The following KIAA1549L variants were observed in gnomAD, a reference collection of about 807,000 sequenced individuals.
KIAA1549L encodes the protein KIAA1549 like.
In KIAA1549L, 88 loss-of-function variants were observed where a neutral mutation model predicts 160.7. The ratio of observed to expected loss-of-function variants is 0.55; its 90% CI spans 0.46 to 0.65. The LOEUF (loss-of-function observed/expected upper bound fraction) is 0.65. KIAA1549L is among the 30% of genes least tolerant of loss of function. The pLI is 0.00. For synonymous variants in KIAA1549L, 950 were observed against 976.7 expected (o/e 0.97, Z 0.51); for missense variants, 2,258 against 2,437.5 (o/e 0.93, Z 1.55).
intron 20 of KIAA1549L, among the ~76,000 whole-genome samples, chr11:33,661,224 C>T (rs1191370242): frequency 6.6e-6 from 1 of 152,198 alleles, no homozygotes; most frequent in Non-Finnish European, 1.5e-5. Context: ...CCTTCTAGTC[C>T]AGCTCCCACC....
intron 4 of KIAA1549L, 53 bp from the exon 5 acceptor site, chr11:33,550,987 T>G: frequency 6.8e-7 from 1 of 1,464,072 alleles, no homozygotes; most frequent in Non-Finnish European, 9.6e-7. Flanking sequence ...CAGGAAGAAC[T>G]TAAAGTGCTG....
chr11:33,645,502 T>C (rs1276691795), intron 16 of KIAA1549L, among the ~76,000 whole-genome samples, 184 bp from the exon 17 acceptor site: 1 of 152,156 alleles, frequency 6.6e-6, no homozygotes, highest in African/African-American at 2.4e-5. Context: ...AGTGTGGCCT[T>C]CCTGATAGAG....
intron 1 of KIAA1549L, among the ~76,000 whole-genome samples, chr11:33,524,788 A>C (rs555304229): frequency 3.9e-5 from 6 of 152,190 alleles, no homozygotes; most frequent in African/African-American, 1.4e-4. Context: ...CTTAATGGGA[A>C]AGTGCTCATT....
intron 1 of KIAA1549L, among the ~76,000 whole-genome samples, chr11:33,491,170 T>C (rs1852649435): frequency 6.6e-6 from 1 of 152,204 alleles, no homozygotes; most frequent in Non-Finnish European, 1.5e-5. Flanking sequence ...TTTAAACAGA[T>C]GACTAATGAC....
chr11:33,487,671 G>A (rs1852561730), intron 1 of KIAA1549L, among the ~76,000 whole-genome samples: 1 of 152,100 alleles, frequency 6.6e-6, no homozygotes, highest in Non-Finnish European at 1.5e-5. Context: ...CCCATCCTCA[G>A]AGATTCTGAT....
chr11:33,532,105 T>C (rs1853787238), intron 1 of KIAA1549L, among the ~76,000 whole-genome samples: 1 of 152,178 alleles, frequency 6.6e-6, no homozygotes, highest in African/African-American at 2.4e-5. Context: ...GGCTGCAGAA[T>C]AACTCTTGGT....
intron 1 of KIAA1549L, among the ~76,000 whole-genome samples, chr11:33,426,923 T>G (rs1452854272): frequency 6.6e-6 from 1 of 152,040 alleles, no homozygotes; most frequent in Non-Finnish European, 1.5e-5. Context: ...CCCCCTATTA[T>G]CTGTTTAAGC....
chr11:33,618,107 T>A (rs915728950), intron 15 of KIAA1549L, among the ~76,000 whole-genome samples: 8 of 152,218 alleles, frequency 5.3e-5, no homozygotes, highest in Non-Finnish European at 1.2e-4. Flanking sequence ...TATTAACACA[T>A]CATAGAATCC....
In KIAA1549L at chr11:33,396,787, G is replaced by A. The variant is rs545170016; in HGVS notation, c.238+19898G>A. Among the ~76,000 whole-genome samples, 6 of 151,608 alleles carry A rather than the reference G, an allele frequency of 4.0e-5. 1 individual carries two copies. Among genetic ancestry groups the A allele is most frequent in the African/African-American group, 1.5e-4 (6 of 41,340 alleles). ...GCCAACATGATGAAACTGTCTCTAC[G>A]GAAAATAGAAAAATTAGCAAAGCAT... On this transcript the variant is annotated intron_variant, in intron 1 of 20. Transcript: ENST00000658780.
At chr11:33,618,703 C>G (rs1198188550) in intron 16 of KIAA1549L, 41 bp downstream of exon 16, 2 of 1,500,770 alleles carry the variant, frequency 1.3e-6, no homozygotes, top group African/African-American at 1.4e-5. Flanking sequence ...GCTTTCCTTT[C>G]CCCTGAAGGC....
At chr11:33,424,535 A>G (rs1851080504) in intron 1 of KIAA1549L, among the ~76,000 whole-genome samples, 1 of 152,204 alleles carries the variant, frequency 6.6e-6, no homozygotes, top group African/African-American at 2.4e-5. Flanking sequence ...ACATGGTTAA[A>G]TTCCTAGGAC....
Position 33,542,242 on chromosome 11 carries a change from A to C in KIAA1549L, c.679A>C (p.Thr227Pro). 5 of 650,870 alleles carry C rather than the reference A, an allele frequency of 7.7e-6. No homozygotes were observed. The highest frequency in any genetic ancestry group is 4.2e-5 in the Admixed American group (2 of 47,362). The allele number at this position is 650,870 out of a possible 1,614,324, so 40.3% of individuals were successfully genotyped here. ...CCCATCCCAGCCAGTATGGGCAGGG[A>C]CTTCCTCCATTTCAAAGCATCCCCC... ...VPPSQPVWAG[T>P]SSISKHPPRS... Residue 227 changes from threonine to proline, a missense_variant, in exon 2 of 21, where the codon ACT (threonine) becomes CCT (proline). By Grantham distance (38) the Thr-to-Pro change is conservative. Transcript: ENST00000658780.
chr11:33,422,428 G>A (rs1565129959), intron 1 of KIAA1549L, among the ~76,000 whole-genome samples: 2 of 151,908 alleles, frequency 1.3e-5, no homozygotes, highest in Admixed American at 6.6e-5. Flanking sequence ...TCCCCTGCTA[G>A]AAATCTTCTG....
At chr11:33,531,204 T>G (rs1285107803) in intron 1 of KIAA1549L, among the ~76,000 whole-genome samples, 1 of 152,208 alleles carries the variant, frequency 6.6e-6, no homozygotes, top group Non-Finnish European at 1.5e-5. Flanking sequence ...CCAGTTGCGG[T>G]GGCTCACGCC....
intron 13 of KIAA1549L, among the ~76,000 whole-genome samples, chr11:33,601,070 TA>T (rs1850348506): frequency 1.3e-5 from 2 of 152,198 alleles, no homozygotes; most frequent in African/African-American, 4.8e-5. Context: ...ATATAAGGCT[TA>T]GAAATAAAAC....
chr11:33,421,084 CT>C (rs1851000964), intron 1 of KIAA1549L, among the ~76,000 whole-genome samples: 2 of 152,200 alleles, frequency 1.3e-5, no homozygotes, highest in African/African-American at 4.8e-5. Context: ...GGAAAAGTCT[CT>C]CTGGAGGTAC....
rs759881964 is a variant in KIAA1549L, at chr11:33,542,997, A to G, written c.1434A>G (p.Thr478=). ...SSLVPSLHIT[T]LGQEQAILSG... Reference sequence around the variant, plus strand: ...TGGTGCCTTCTCTGCATATCACCACACTGGGTCAAGAGCAAGCCATCCTTT... The same window carrying G: ...TGGTGCCTTCTCTGCATATCACCACGCTGGGTCAAGAGCAAGCCATCCTTT... The change falls in exon 2 of 21, where the codon ACA becomes ACG. Residue 478 remains threonine (T), a synonymous_variant. Coordinates refer to ENST00000658780, the MANE Select transcript of KIAA1549L (RefSeq NM_012194.3). The G allele has an allele frequency of 1.4e-4, 221 of 1,613,812 alleles. No homozygotes were observed. The highest frequency in any genetic ancestry group is 1.2e-3 in the Admixed American group (72 of 60,014).
chr11:33,642,174 G>A (rs1024729236), intron 16 of KIAA1549L, among the ~76,000 whole-genome samples: 1 of 152,110 alleles, frequency 6.6e-6, no homozygotes, highest in Non-Finnish European at 1.5e-5. Context: ...TCAGACCATA[G>A]TTCAACTCTC....
At chr11:33,435,759 G>GAGAGATATATATATAT in intron 1 of KIAA1549L, among the ~76,000 whole-genome samples, 1 of 14,988 alleles carries the variant, frequency 6.7e-5, no homozygotes, top group East Asian at 1.9e-3. Flanking sequence ...GAACCAATAA[G>GAGAGATATATATATAT]ATATATATAT....
Sources: gnomAD v4.1 joint callset for allele counts (sites outside exome capture counted in the v4.1 genomes callset) on GRCh38, gnomAD v4.1.1 for gene constraint, MANE v1.5 for transcripts, NCBI Gene and HGNC (gene_info 2026-07-23, HGNC 2026-07-21) for gene names.